The following ABI3BP variants were observed in gnomAD, a reference collection of about 807,000 sequenced individuals.
The protein encoded by ABI3BP is ABI family member 3 binding protein.
A neutral mutation model predicts 268.6 loss-of-function variants in ABI3BP; 216 were observed. That is an observed-to-expected ratio of 0.80 (90% CI 0.72 to 0.90). The LOEUF (loss-of-function observed/expected upper bound fraction) is 0.90. ABI3BP is among the 40% of genes least tolerant of loss of function. The pLI, the probability that ABI3BP is intolerant of heterozygous loss-of-function variation, is 0.00. For missense variants in ABI3BP, 2,090 were observed against 2,182.4 expected, an observed-to-expected ratio of 0.96 and a Z score of 0.84; for synonymous variants, 730 against 730.0, an observed-to-expected ratio of 1.00 and a Z score of 0.00.
chr3:100,963,744 C>T (rs924013899), intron 1 of ABI3BP, among the ~76,000 whole-genome samples: 2 of 152,210 alleles, frequency 1.3e-5, no homozygotes, highest in Non-Finnish European at 1.5e-5. Context: ...TTTCCATCCA[C>T]TTACCTGCTC....
chr3:100,873,185 T>C (rs528888683), intron 9 of ABI3BP, among the ~76,000 whole-genome samples: 1 of 152,296 alleles, frequency 6.6e-6, no homozygotes, highest in East Asian at 1.9e-4. Flanking sequence ...ACTTAAACTT[T>C]CAGGTAACAC....
At chr3:100,777,737 A>C (rs2096748114) in intron 59 of ABI3BP, among the ~76,000 whole-genome samples, 1 of 152,194 alleles carries the variant, frequency 6.6e-6, no homozygotes, top group Non-Finnish European at 1.5e-5. Context: ...GTGCCCAGGC[A>C]TGGAGGTAAG....
intron 4 of ABI3BP, among the ~76,000 whole-genome samples, chr3:100,895,520 T>A (rs1328156731): frequency 1.3e-5 from 2 of 152,152 alleles, no homozygotes; most frequent in African/African-American, 4.8e-5. Flanking sequence ...ACAGGATAAA[T>A]GAGGCTACAC....
At chr3:100,890,159 G>C (rs1296698305) in intron 4 of ABI3BP, among the ~76,000 whole-genome samples, 1 of 152,100 alleles carries the variant, frequency 6.6e-6, no homozygotes, top group Non-Finnish European at 1.5e-5. Context: ...ATGGTTGACT[G>C]TCTTTTGGGT....
rs2098661337 is a variant in ABI3BP, at chr3:100,839,596, G to A, written c.1918C>T (p.Gln640Ter). Reference sequence around the variant, plus strand: ...GTTGTGGGCACCAAGGGCTCCGGTTGTATCGTGGCAGGTTCCAGAGCTACA... The same window carrying A: ...GTTGTGGGCACCAAGGGCTCCGGTTATATCGTGGCAGGTTCCAGAGCTACA... Reference protein sequence around the residue: ...SKPALEPATIQPEPLVPTTAS... With the variant: ...SKPALEPATI Residue 640 changes from glutamine (Q) to a stop codon, truncating the protein, a stop_gained, in exon 24 of 68, where the codon CAA becomes TAA. Transcript: ENST00000471714. LOFTEE classifies it high-confidence loss of function. 2 of 1,535,876 alleles carry A rather than the reference G, an allele frequency of 1.3e-6. No homozygotes were observed. The highest frequency in any genetic ancestry group is 8.7e-7 in the Non-Finnish European group (1 of 1,146,688).
rs995589728 is a variant in ABI3BP at position 100,830,102 on chromosome 3, C to T, written c.2459-438G>A. ...ATGGCTATATACATATACATACATA[C>T]ATACATACATATATATATATATATA... On this transcript the variant is annotated intron_variant, in intron 32 of 67. Transcript: ENST00000471714. 4.1e-4 allele frequency among the ~76,000 whole-genome samples: 23 copies of T among 56,212 alleles called. No individual in the cohort carries two copies. In the South Asian group the frequency reaches 0.016, roughly 39 times the overall value. 36.9% of individuals were successfully genotyped at this position (56,212 alleles called of 152,430 possible). A position where few individuals can be genotyped will look rare whatever the true frequency, so the allele number is the denominator to read the frequency against.
intron 54 of ABI3BP, among the ~76,000 whole-genome samples, chr3:100,793,348 A>G (rs554576856): frequency 6.6e-6 from 1 of 151,948 alleles, no homozygotes; most frequent in Non-Finnish European, 1.5e-5. Context: ...AGCAAATTAC[A>G]CTGTTCACTT....
intron 20 of ABI3BP, chr3:100,843,736 G>C (rs2098736497): frequency 3.1e-6 from 3 of 982,812 alleles, no homozygotes; most frequent in Non-Finnish European, 1.2e-6. Flanking sequence ...ATCAATACAT[G>C]AAATACAATA....
At chr3:100,964,206 C>T (rs1268622561) in intron 1 of ABI3BP, among the ~76,000 whole-genome samples, 1 of 152,090 alleles carries the variant, frequency 6.6e-6, no homozygotes, top group Non-Finnish European at 1.5e-5. Flanking sequence ...GCTCCATCTT[C>T]CCTTTCTTTG....
chr3:100,820,018 G>C (rs960706112), intron 40 of ABI3BP, among the ~76,000 whole-genome samples: 1 of 149,962 alleles, frequency 6.7e-6, no homozygotes, highest in Admixed American at 6.7e-5. Context: ...CCTATATGCA[G>C]AAAATGCAAG....
At chr3:100,868,565 G>C (rs2099076985) in intron 9 of ABI3BP, among the ~76,000 whole-genome samples, 1 of 152,110 alleles carries the variant, frequency 6.6e-6, no homozygotes, top group Non-Finnish European at 1.5e-5. Flanking sequence ...CAATTAGAAA[G>C]TCATCTTTCA....
Position 100,750,057 on chromosome 3 carries a change from T to C in ABI3BP, c.*438A>G, listed in dbSNP as rs971595254. The C allele has an allele frequency of 9.4e-5, 25 of 265,698 alleles. No individual in the cohort carries two copies. The highest frequency in any genetic ancestry group is 1.1e-4 in the Non-Finnish European group (16 of 143,564). The allele number at this position is 265,698 out of a possible 1,614,324, so 16.5% of individuals were successfully genotyped here. On this transcript the variant is annotated 3_prime_UTR_variant, in exon 68 of 68. Transcript: ENST00000471714. ...CCAGATATACATGCTGAAGATAATT[T>C]GATCCAATAAGTTAAACTAAGTAGA... is the stretch of plus-strand genomic sequence containing the variant.
chr3:100,863,074 A>G, intron 12 of ABI3BP, 165 bp from the exon 13 acceptor site: 1 of 575,912 alleles, frequency 1.7e-6, no homozygotes, highest in Non-Finnish European at 3.0e-6. Flanking sequence ...TGAATATAAG[A>G]AAGTTTCTTT....
intron 20 of ABI3BP, chr3:100,843,538 TGTGTGAGA>T (rs1442230005): frequency 2.6e-5 from 23 of 869,866 alleles, no homozygotes; most frequent in African/African-American, 4.4e-5. Context: ...TGTGTGTGTG[TGTGTGAGA>T]GAGAGAGAGA....
Position 100,794,944 on chromosome 3 carries a change from C to G in ABI3BP, c.3925G>C (p.Glu1309Gln), listed in dbSNP as rs760341809. 2.0e-5 allele frequency: 31 copies of G among 1,571,200 alleles called. 1 individual carries two copies. The South Asian group carries it at 3.7e-4, about 19-fold the overall frequency. Residue 1309 changes from glutamate to glutamine, a missense_variant, in exon 54 of 68, where the codon GAG becomes CAG. Coordinates refer to ENST00000471714, the MANE Select transcript of ABI3BP (RefSeq NM_001375547.2). ...IPMISPSPSQ[E>Q]ELQTTLEETD... Reference sequence around the variant, plus strand: ...TTACCCAGAGTGGTCTGTAGTTCCTCTTGACTAGGACTTGGGGAAATCATG... The same window carrying G: ...TTACCCAGAGTGGTCTGTAGTTCCTGTTGACTAGGACTTGGGGAAATCATG...
At chr3:100,939,234 C>T (rs2067711637) in intron 1 of ABI3BP, among the ~76,000 whole-genome samples, 1 of 152,052 alleles carries the variant, frequency 6.6e-6, no homozygotes, top group Admixed American at 6.6e-5. Context: ...CATGTAGCTG[C>T]TCTAAAACAT....
intron 2 of ABI3BP, among the ~76,000 whole-genome samples, chr3:100,919,768 A>T (rs554534723): frequency 6.6e-6 from 1 of 152,322 alleles, no homozygotes; most frequent in East Asian, 1.9e-4. Context: ...CTTGCTAAAA[A>T]TTGCTTTATT....
chr3:100,945,515 C>A, intron 1 of ABI3BP: 2 of 347,880 alleles, frequency 5.7e-6, no homozygotes, highest in Admixed American at 3.9e-5. Flanking sequence ...TGTTCCCACC[C>A]TTAGCTCTAG....
chr3:100,789,641 T>G (rs1418026600), intron 55 of ABI3BP, 125 bp from the exon 56 acceptor site: 3 of 845,406 alleles, frequency 3.5e-6, no homozygotes, highest in Non-Finnish European at 5.5e-6. Context: ...GTTCAGAAAA[T>G]TCCCATTATG....
Sources: allele counts gnomAD v4.1 joint callset (sites outside exome capture counted in the v4.1 genomes callset), GRCh38; gene constraint gnomAD v4.1.1; transcripts MANE v1.5; gene names NCBI Gene and HGNC (gene_info 2026-07-23, HGNC 2026-07-21).